The following NTM variants were observed in gnomAD, a reference collection of about 807,000 sequenced individuals.
NTM encodes IgLON family member 2.
NTM carries 13 observed loss-of-function variants against 42.1 expected under a neutral mutation model. That is an observed-to-expected ratio of 0.31 (90% CI 0.20 to 0.49). The LOEUF is 0.49. Among genes scored for constraint, NTM ranks in the 20% least tolerant of loss-of-function variants. The pLI, the probability that NTM is intolerant of heterozygous loss-of-function variation, is 0.99. For synonymous variants in NTM, 187 were observed against 179.2 expected (o/e 1.04, Z -0.35); for missense variants, 373 against 452.8 (o/e 0.82, Z 1.60).
chr11:131,907,736 TAATG>T (rs10603838), intron 1 of NTM, among the ~76,000 whole-genome samples: 4,390 of 152,238 alleles, frequency 0.029, 198 homozygotes, highest in African/African-American at 0.099. Flanking sequence ...AGAACACAAA[TAATG>T]AAATTGCTTT....
intron 1 of NTM, among the ~76,000 whole-genome samples, chr11:131,748,217 A>C (rs1263196545): frequency 6.6e-6 from 1 of 152,336 alleles, no homozygotes; most frequent in South Asian, 2.1e-4. Context: ...GTAGTGGCAA[A>C]GTGGTTCTTG....
chr11:132,209,484 A>G (rs910797133), intron 3 of NTM, among the ~76,000 whole-genome samples: 1 of 152,366 alleles, frequency 6.6e-6, no homozygotes, highest in East Asian at 1.9e-4. Context: ...AAATCTAAAA[A>G]TGATTAACTG....
intron 1 of NTM, among the ~76,000 whole-genome samples, chr11:131,866,674 C>T (rs12287321): frequency 0.1 from 15,922 of 152,236 alleles, 982 homozygotes; most frequent in Middle Eastern, 0.14. Context: ...GAAACACCCT[C>T]GGATTATTTT....
chr11:131,724,243 C>A (rs188539010), intron 1 of NTM, among the ~76,000 whole-genome samples: 1 of 152,120 alleles, frequency 6.6e-6, no homozygotes. Context: ...TTGTCTGATA[C>A]GTAGCTGGAG....
intron 2 of NTM, among the ~76,000 whole-genome samples, chr11:132,130,430 G>A (rs912471820): frequency 1.3e-5 from 2 of 152,064 alleles, no homozygotes; most frequent in African/African-American, 4.8e-5. Context: ...ACAATGAGAG[G>A]AGCAATCATG....
At position 131,735,453 on chromosome 11, in the gene NTM, GTAGT is replaced by G. The variant is rs2135526507; in HGVS notation, c.83-176108_83-176105del. On this transcript the variant is annotated intron_variant, in intron 1 of 8. Coordinates refer to ENST00000683400, the MANE Select transcript of NTM (RefSeq NM_001352005.2). ...ATAGAGAAGTGACAGTCATTGTGGTGTAGTTAAAGTCATTGTGATGAAACACACA... is the reference window on the plus strand; with the variant it reads ...ATAGAGAAGTGACAGTCATTGTGGTGTAAAGTCATTGTGATGAAACACACA... Among the ~76,000 whole-genome samples the G allele has an allele frequency of 1.3e-5, 2 of 152,350 alleles. 1 individual carries two copies. Among genetic ancestry groups the G allele is most frequent in the South Asian group, 4.1e-4 (2 of 4,830 alleles).
intron 2 of NTM, among the ~76,000 whole-genome samples, chr11:131,957,595 T>A (rs549683463): frequency 6.6e-6 from 1 of 152,340 alleles, no homozygotes; most frequent in East Asian, 1.9e-4. Context: ...TATTTTATTG[T>A]CATTTATTCC....
intron 1 of NTM, among the ~76,000 whole-genome samples, chr11:131,814,811 T>A (rs563512721): frequency 9.1e-4 from 139 of 152,258 alleles, no homozygotes; most frequent in African/African-American, 3.2e-3. Flanking sequence ...CACTCCAGCG[T>A]CCAGTCTAGA....
At chr11:131,682,616 C>T (rs2073149343) in intron 1 of NTM, among the ~76,000 whole-genome samples, 1 of 152,210 alleles carries the variant, frequency 6.6e-6, no homozygotes, top group African/African-American at 2.4e-5. Flanking sequence ...AGCATGAGCC[C>T]GGTTCTCACT....
At chr11:131,483,100 A>G (rs537266613) in intron 1 of NTM, among the ~76,000 whole-genome samples, 8 of 152,328 alleles carry the variant, frequency 5.3e-5, no homozygotes, top group African/African-American at 1.7e-4. Flanking sequence ...GAAACCCTCA[A>G]CACTGGGTCA....
At chr11:131,513,567 CCTT>C (rs1334838024) in intron 1 of NTM, among the ~76,000 whole-genome samples, 6 of 152,192 alleles carry the variant, frequency 3.9e-5, no homozygotes, top group Non-Finnish European at 7.3e-5. Context: ...CTTCCCAAGT[CCTT>C]CTTCCACTGT....
At position 131,683,560 on chromosome 11, in the gene NTM, A is replaced by G. The variant is rs1404587259; in HGVS notation, c.83-228004A>G. Among the ~76,000 whole-genome samples the G allele has an allele frequency of 2.0e-5, 3 of 152,344 alleles. No homozygotes were observed. The South Asian group carries it at 6.2e-4, about 32-fold the overall frequency. ...ATTGTGCATGATAGGGTGGGTTTGT[A>G]GTTGCAGAAATAGACCCTGGATGTG... On this transcript the variant is annotated intron_variant, in intron 1 of 8. Transcript: ENST00000683400.
At chr11:132,277,983 T>C (rs974753734) in intron 4 of NTM, among the ~76,000 whole-genome samples, 1 of 152,180 alleles carries the variant, frequency 6.6e-6, no homozygotes, top group African/African-American at 2.4e-5. Context: ...GAAAAATAAT[T>C]GGTATTAACG....
At chr11:131,749,711 G>T (rs2082247786) in intron 1 of NTM, among the ~76,000 whole-genome samples, 2 of 152,280 alleles carry the variant, frequency 1.3e-5, no homozygotes, top group South Asian at 2.1e-4. Context: ...AGATTCTCCT[G>T]CTTCAGCCTC....
chr11:132,080,210 C>G (rs746764135), intron 2 of NTM, among the ~76,000 whole-genome samples: 1 of 152,178 alleles, frequency 6.6e-6, no homozygotes, highest in Admixed American at 6.5e-5. Flanking sequence ...ATCAATGCCC[C>G]CTGGCCCTCC....
At chr11:131,919,136 T>C (rs528676112) in intron 2 of NTM, among the ~76,000 whole-genome samples, 16 of 148,344 alleles carry the variant, frequency 1.1e-4, no homozygotes, top group African/African-American at 3.5e-4. Flanking sequence ...TTTAAATTAG[T>C]AATAGGCATC....
In NTM at chr11:132,146,668, A is replaced by C. The variant is rs941518292; in HGVS notation, c.400+154A>C. ...TTTCTGGTTGTCATTTTGCAGTTAG[A>C]AGCTAAATTTTCCAGTCATTTTCAT... is the stretch of plus-strand genomic sequence containing the variant. On this transcript the variant is annotated intron_variant, in intron 3 of 8. Transcript: ENST00000683400. This position sits in a 1 kb window ranked among gnomAD's most constrained non-coding sequence, Gnocchi z 4.5. 22 of 696,478 alleles carry C rather than the reference A, an allele frequency of 3.2e-5. No individual in the cohort carries two copies. Among genetic ancestry groups the C allele is most frequent in the Middle Eastern group, 2.9e-4 (1 of 3,426 alleles). 43.1% of individuals were successfully genotyped at this position (696,478 alleles called of 1,614,324 possible). A position where few individuals can be genotyped will look rare whatever the true frequency, so the allele number is the denominator to read the frequency against.
chr11:132,329,030 C>G (rs1340887064), intron 7 of NTM, among the ~76,000 whole-genome samples: 1 of 152,160 alleles, frequency 6.6e-6, no homozygotes, highest in Admixed American at 6.5e-5. Flanking sequence ...CGCTAATGCC[C>G]ACTTAAATCA....
Position 131,805,352 on chromosome 11 carries a change from C to G in NTM, c.83-106212C>G, listed in dbSNP as rs1424569780. Among the ~76,000 whole-genome samples, 3 of 152,170 alleles carry G rather than the reference C, an allele frequency of 2.0e-5. No individual in the cohort carries two copies. In the East Asian group the frequency reaches 5.8e-4, roughly 29 times the overall value. ...TCACCAGAATTCTACCCATCCTAAA[C>G]AAAGCTCAGCGTACATATCTTTTCC... On this transcript the variant is annotated intron_variant, in intron 1 of 8. Coordinates refer to ENST00000683400, the MANE Select transcript of NTM (RefSeq NM_001352005.2).
Sources: allele counts gnomAD v4.1 joint callset (sites outside exome capture counted in the v4.1 genomes callset), GRCh38; gene constraint gnomAD v4.1.1; non-coding constraint Gnocchi (gnomAD v3.1); transcripts MANE v1.5; gene names NCBI Gene and HGNC (gene_info 2026-07-23, HGNC 2026-07-21).